The following GLG1 variants were observed in gnomAD, a reference collection of about 807,000 sequenced individuals.
The protein encoded by GLG1 is golgi glycoprotein 1.
In GLG1, 38 loss-of-function variants were observed where a neutral mutation model predicts 160.5. That is an observed-to-expected ratio of 0.24 (90% CI 0.18 to 0.31). The LOEUF is 0.31. Among genes scored for constraint, GLG1 ranks in the 10% least tolerant of loss-of-function variants. The probability of loss-of-function intolerance (pLI) is 1.00; values close to 1 mark genes in which losing one functional copy is unlikely to be tolerated. For synonymous variants in GLG1, 644 were observed against 543.4 expected (o/e 1.19, Z -2.57); for missense variants, 1,373 against 1,505.2 (o/e 0.91, Z 1.45).
At chr16:74,480,489 C>G in intron 10 of GLG1, 95 bp from the exon 11 acceptor site, 1 of 748,134 alleles carries the variant, frequency 1.3e-6, no homozygotes, top group Non-Finnish European at 2.2e-6. Flanking sequence ...CTTGTATACT[C>G]ATTGATAATC....
rs762823736 is a variant in GLG1 at position 74,532,110 on chromosome 16, T to A, written c.471+11A>T. On this transcript the variant is annotated intron_variant, in intron 2 of 25. Transcript: ENST00000422840. ...AGCACATATGGCGCATCACAGAAAATCCATACTTACATGATTGCAGTCTGA... is the reference window on the plus strand; with the variant it reads ...AGCACATATGGCGCATCACAGAAAAACCATACTTACATGATTGCAGTCTGA... 7.5e-7 allele frequency: 1 copy of A among 1,341,528 alleles called. No homozygotes were observed. The highest frequency in any genetic ancestry group is 2.2e-5 in the Admixed American group (1 of 44,844). 83.1% of individuals were successfully genotyped at this position (1,341,528 alleles called of 1,614,324 possible). A position where few individuals can be genotyped will look rare whatever the true frequency, so the allele number is the denominator to read the frequency against.
intron 1 of GLG1, among the ~76,000 whole-genome samples, chr16:74,560,946 G>A (rs1439953018): frequency 3.3e-5 from 4 of 121,652 alleles, no homozygotes; most frequent in Non-Finnish European, 6.7e-5. Context: ...AAAAATATGT[G>A]TTTGCTGAGA....
At chr16:74,602,250 A>G (rs1958454414) in intron 1 of GLG1, among the ~76,000 whole-genome samples, 1 of 152,214 alleles carries the variant, frequency 6.6e-6, no homozygotes, top group Admixed American at 6.6e-5. Flanking sequence ...ATGGCTACAA[A>G]TTTATAATCT....
In GLG1 at chr16:74,452,109, T is replaced by A; in HGVS notation, c.*1058A>T. On this transcript the variant is annotated 3_prime_UTR_variant, in exon 26 of 26. Transcript: ENST00000422840. The stretch of plus-strand genomic sequence containing the variant: ...GACCACACTAAACCTTTATAAGCCA[T>A]TGTCTCTGACCTGTATTGTAGCCTG... 1 of 1,614,074 alleles carries A rather than the reference T, an allele frequency of 6.2e-7. No individual in the cohort carries two copies. Among genetic ancestry groups the A allele is most frequent in the Non-Finnish European group, 8.5e-7 (1 of 1,179,922 alleles).
chr16:74,522,011 T>C (rs992421976), intron 2 of GLG1, among the ~76,000 whole-genome samples: 12 of 152,360 alleles, frequency 7.9e-5, no homozygotes, highest in South Asian at 4.1e-4. Flanking sequence ...GGCATCCCGA[T>C]TGGGCATTTA....
chr16:74,605,399 A>G (rs1958542923), intron 1 of GLG1, among the ~76,000 whole-genome samples: 1 of 152,200 alleles, frequency 6.6e-6, no homozygotes, highest in Non-Finnish European at 1.5e-5. Flanking sequence ...CAGTATTAGG[A>G]TCCTAGTTTG....
At chr16:74,479,050 C>CAAAAAAA in intron 11 of GLG1, among the ~76,000 whole-genome samples, 1 of 4,034 alleles carries the variant, frequency 2.5e-4, no homozygotes, top group Non-Finnish European at 8.4e-4. Context: ...TATTAAAAAT[C>CAAAAAAA]CAAAAAAAAA....
Position 74,465,580 on chromosome 16 carries a change from C to T in GLG1, c.2667+96G>A, listed in dbSNP as rs569807063. The T allele has an allele frequency of 2.6e-4, 343 of 1,309,484 alleles. No individual in the cohort carries two copies. The African/African-American group carries it at 4.6e-3, about 18-fold the overall frequency. The allele number at this position is 1,309,484 out of a possible 1,614,324, so 81.1% of individuals were successfully genotyped here. Reference sequence around the variant, plus strand: ...TGCTGCTGCTCGTCTAGGGACCACACTTTGAGAAAGCTGAGCCTGAGGAAG... The same window carrying T: ...TGCTGCTGCTCGTCTAGGGACCACATTTTGAGAAAGCTGAGCCTGAGGAAG... On this transcript the variant is annotated intron_variant, in intron 19 of 25. Coordinates refer to ENST00000422840, the MANE Select transcript of GLG1 (RefSeq NM_001145667.2).
intron 1 of GLG1, among the ~76,000 whole-genome samples, chr16:74,542,502 C>G (rs886188827): frequency 6.6e-6 from 1 of 151,738 alleles, no homozygotes; most frequent in African/African-American, 2.4e-5. Context: ...AACCCCATCT[C>G]TATTAAAAAT....
At chr16:74,505,534 A>G (rs769807674) in intron 3 of GLG1, among the ~76,000 whole-genome samples, 1 of 152,218 alleles carries the variant, frequency 6.6e-6, no homozygotes, top group East Asian at 1.9e-4. Flanking sequence ...AGCCTCGCCA[A>G]CATGGCGAAA....
intron 1 of GLG1, among the ~76,000 whole-genome samples, chr16:74,595,336 G>T (rs1958273766): frequency 6.6e-6 from 1 of 151,926 alleles, no homozygotes; most frequent in South Asian, 2.1e-4. Flanking sequence ...AGGAGATCGA[G>T]ACCATCCTGG....
chr16:74,591,436 G>A (rs1377037010), intron 1 of GLG1, among the ~76,000 whole-genome samples: 4 of 151,900 alleles, frequency 2.6e-5, no homozygotes, highest in African/African-American at 7.3e-5. Context: ...AAACCATCCT[G>A]GCTAACACGG....
At chr16:74,468,226 CTTTTTTTTTTTTTT>C (rs201829157) in intron 17 of GLG1, 18,946 of 83,644 alleles carry the variant, frequency 0.23, 1,641 homozygotes, top group Middle Eastern at 0.39. Context: ...CTTGAAATGT[CTTTTTTTTTTTTTT>C]TTTTTTTTTT....
rs1231773246 is a variant in GLG1 at position 74,449,890 on chromosome 16, T to C, written c.*3277A>G. On this transcript the variant is annotated 3_prime_UTR_variant, in exon 26 of 26. Transcript: ENST00000422840. ...GGGACAACAGCAACAGCAATGGAAG[T>C]CCAACATGCACCCAGGTGAAGGCCT... 6.6e-6 allele frequency: 1 copy of C among 152,216 alleles called. No individual in the cohort carries two copies. The highest frequency in any genetic ancestry group is 2.4e-5 in the African/African-American group (1 of 41,432). The allele number at this position is 152,216 out of a possible 1,614,324, so 9.4% of individuals were successfully genotyped here. A position where few individuals can be genotyped will look rare whatever the true frequency, so the allele number is the denominator to read the frequency against.
At chr16:74,516,142 TCAA>T (rs1356455065) in intron 2 of GLG1, among the ~76,000 whole-genome samples, 2 of 151,558 alleles carry the variant, frequency 1.3e-5, no homozygotes, top group Non-Finnish European at 2.9e-5. Context: ...ATTAGACAGA[TCAA>T]CGAGACAGAA....
intron 19 of GLG1, 61 bp from the exon 20 acceptor site, chr16:74,463,540 A>C: frequency 2.6e-6 from 4 of 1,559,438 alleles, no homozygotes; most frequent in South Asian, 1.2e-5. Flanking sequence ...TCCATCTGCG[A>C]CCACTTTTTT....
chr16:74,465,789 T>A lies in GLG1; in HGVS notation c.2554A>T (p.Lys852Ter). 1 of 1,613,884 alleles carries A rather than the reference T, an allele frequency of 6.2e-7. No homozygotes were observed. Among genetic ancestry groups the A allele is most frequent in the Non-Finnish European group, 8.5e-7 (1 of 1,179,778 alleles). The change falls in exon 19 of 26, where the codon AAG (lysine) becomes TAG (stop). Residue 852 changes from lysine (K) to a stop codon, truncating the protein, a stop_gained. Coordinates refer to ENST00000422840, the MANE Select transcript of GLG1 (RefSeq NM_001145667.2). LOFTEE classifies it high-confidence loss of function. ...TGGCAGCGGGTGCTTAGCTGCTTCTTGTTTTCTTTCAGACATTCGATAATC... is the reference window on the plus strand; with the variant it reads ...TGGCAGCGGGTGCTTAGCTGCTTCTAGTTTTCTTTCAGACATTCGATAATC... ...AQIIECLKEN[K>*]KQLSTRCHQK... is the part of the protein sequence containing the mutation.
In GLG1 at chr16:74,511,344, G is replaced by A. The variant is rs186161535; in HGVS notation, c.472-2419C>T. Reference sequence around the variant, plus strand: ...ATATGAGTAAAAGCTCTCATCTCTCGGCTACCATCAATAACTGAGTTTTTA... The same window carrying A: ...ATATGAGTAAAAGCTCTCATCTCTCAGCTACCATCAATAACTGAGTTTTTA... On this transcript the variant is annotated intron_variant, in intron 2 of 25. Coordinates refer to ENST00000422840, the MANE Select transcript of GLG1 (RefSeq NM_001145667.2). Among the ~76,000 whole-genome samples, 265 of 151,966 alleles carry A rather than the reference G, an allele frequency of 1.7e-3. 3 individuals carry two copies. Among genetic ancestry groups the A allele is most frequent in the South Asian group, 0.016 (75 of 4,806 alleles).
intron 4 of GLG1, among the ~76,000 whole-genome samples, chr16:74,501,661 G>A (rs1457125181): frequency 2.6e-5 from 4 of 152,298 alleles, no homozygotes; most frequent in African/African-American, 9.6e-5. Flanking sequence ...CACTCATCAC[G>A]AGGGTGAAAA....
Sources: allele counts gnomAD v4.1 joint callset (sites outside exome capture counted in the v4.1 genomes callset), GRCh38; gene constraint gnomAD v4.1.1; transcripts MANE v1.5; gene names NCBI Gene and HGNC (gene_info 2026-07-23, HGNC 2026-07-21).